HAUS6: variants seen among roughly 807,000 people sequenced by gnomAD.
The protein encoded by HAUS6 is HAUS augmin like complex subunit 6, also known as HAUS augmin-like complex subunit 6.
HAUS6 carries 80 observed loss-of-function variants against 106.8 expected under a neutral mutation model. That is an observed-to-expected ratio of 0.75 (90% CI 0.63 to 0.90). The LOEUF (loss-of-function observed/expected upper bound fraction) is 0.90. Among genes scored for constraint, HAUS6 ranks in the 40% least tolerant of loss-of-function variants. HAUS6 has a pLI of 0.00. For missense variants in HAUS6, 1,155 were observed against 1,118.1 expected (o/e 1.03, Z -0.47); for synonymous variants, 356 against 379.1 (o/e 0.94, Z 0.71).
intron 3 of HAUS6, among the ~76,000 whole-genome samples, chr9:19,093,698 G>A (rs1420590812): frequency 2.6e-5 from 4 of 152,034 alleles, no homozygotes; most frequent in African/African-American, 7.2e-5. Context: ...GTGAAACCCC[G>A]TCTCTACTGA....
intron 11 of HAUS6, 116 bp downstream of exon 11, chr9:19,076,486 C>A (rs1837006902): frequency 5.9e-6 from 4 of 676,296 alleles, no homozygotes; most frequent in Non-Finnish European, 1.1e-5. Flanking sequence ...ACATGCATTT[C>A]ACCACAATAA....
intron 1 of HAUS6, among the ~76,000 whole-genome samples, chr9:19,099,497 T>C (rs184073954): frequency 2.1e-4 from 32 of 150,848 alleles, no homozygotes; most frequent in Non-Finnish European, 1.0e-4. Context: ...AGGGTCTCAC[T>C]CTTGTTACCC....
Position 19,071,617 on chromosome 9 carries a change from C to T in HAUS6, c.1295-1317G>A, listed in dbSNP as rs189146603. On this transcript the variant is annotated intron_variant, in intron 11 of 16. Coordinates refer to ENST00000380502, the MANE Select transcript of HAUS6 (RefSeq NM_017645.5). ...TGAGACAGGGTCTTGCTTTGTCACC[C>T]AGGCTGACTGCAGTACCACAATCAT... is the stretch of plus-strand genomic sequence containing the variant. 3.0e-3 allele frequency among the ~76,000 whole-genome samples: 442 copies of T among 147,270 alleles called. 3 individuals are homozygous for T. Among genetic ancestry groups the T allele is most frequent in the African/African-American group, 0.011 (421 of 39,610 alleles).
intron 7 of HAUS6, among the ~76,000 whole-genome samples, chr9:19,086,345 G>C (rs983607706): frequency 6.6e-6 from 1 of 151,170 alleles, no homozygotes; most frequent in Admixed American, 6.6e-5. Context: ...GGGAGGCTGG[G>C]CGCGGTGGCT....
At chr9:19,089,683 C>A in intron 4 of HAUS6, 124 bp from the exon 5 acceptor site, 2 of 602,680 alleles carry the variant, frequency 3.3e-6, no homozygotes, top group South Asian at 2.9e-5. Flanking sequence ...ATCTGATTGA[C>A]TTTTAAAAAA....
chr9:19,096,321 T>C (rs1817860650), intron 2 of HAUS6, among the ~76,000 whole-genome samples: 1 of 152,114 alleles, frequency 6.6e-6, no homozygotes, highest in Non-Finnish European at 1.5e-5. Context: ...TCACAGCGCT[T>C]TGGGAGGCCG....
chr9:19,090,814 C>T (rs1210227786), intron 4 of HAUS6, among the ~76,000 whole-genome samples: 1 of 152,154 alleles, frequency 6.6e-6, no homozygotes, highest in Non-Finnish European at 1.5e-5. Flanking sequence ...TCAAACAATT[C>T]GTCACTGTGT....
chr9:19,071,184 A>G (rs1418695791), intron 11 of HAUS6, among the ~76,000 whole-genome samples: 1 of 152,258 alleles, frequency 6.6e-6, no homozygotes, highest in Non-Finnish European at 1.5e-5. Context: ...GGTAAAAAGT[A>G]TATACCTATG....
At chr9:19,089,365 T>C in intron 5 of HAUS6, 47 bp downstream of exon 5, 1 of 1,218,078 alleles carries the variant, frequency 8.2e-7, no homozygotes, top group Admixed American at 1.7e-5. Context: ...TGGTGACATC[T>C]GTTCAAAAGA....
intron 4 of HAUS6, among the ~76,000 whole-genome samples, chr9:19,090,500 G>A (rs1817721729): frequency 6.6e-6 from 1 of 152,114 alleles, no homozygotes; most frequent in Non-Finnish European, 1.5e-5. Flanking sequence ...AAGTAGCTGG[G>A]ACTACAGGTG....
At position 19,053,220 on chromosome 9, in the gene HAUS6, A is replaced by T. The variant is rs924788628; in HGVS notation, c.*3123T>A. Reference sequence around the variant, plus strand: ...CCCATAGAGGATTCTCAAATATTTTAAACTTAGGATGCAGACTGCTATTCA... The same window carrying T: ...CCCATAGAGGATTCTCAAATATTTTTAACTTAGGATGCAGACTGCTATTCA... On this transcript the variant is annotated 3_prime_UTR_variant, in exon 17 of 17. Transcript: ENST00000380502. The T allele has an allele frequency of 2.6e-5, 4 of 152,214 alleles. No individual in the cohort carries two copies. Among genetic ancestry groups the T allele is most frequent in the Non-Finnish European group, 5.9e-5 (4 of 68,008 alleles). The allele number at this position is 152,214 out of a possible 1,614,324, so 9.4% of individuals were successfully genotyped here.
At chr9:19,084,051 C>CAA (rs35034404) in intron 7 of HAUS6, among the ~76,000 whole-genome samples, 7,033 of 100,166 alleles carry the variant, frequency 0.07, 267 homozygotes, top group Non-Finnish European at 0.1. Flanking sequence ...AGGATCCTTG[C>CAA]AAAAAAAAAA....
At chr9:19,078,753 A>C (rs184437365) in intron 9 of HAUS6, among the ~76,000 whole-genome samples, 14 of 151,352 alleles carry the variant, frequency 9.2e-5, no homozygotes, top group African/African-American at 3.2e-4. Flanking sequence ...GTGCCATTGC[A>C]CTCCATGCAC....
At chr9:19,078,845 TAA>T (rs34221496) in intron 9 of HAUS6, among the ~76,000 whole-genome samples, 17,351 of 134,760 alleles carry the variant, frequency 0.13, 1,094 homozygotes, top group Admixed American at 0.15. Context: ...AAAATTAGTT[TAA>T]AAAAAAAAAA....
chr9:19,059,274 A>C (rs1460455789), intron 15 of HAUS6, among the ~76,000 whole-genome samples: 1 of 152,236 alleles, frequency 6.6e-6, no homozygotes, highest in Non-Finnish European at 1.5e-5. Flanking sequence ...ATGTATTAAA[A>C]AGACCTTTTC....
chr9:19,091,237 T>C (rs1248368634), intron 4 of HAUS6, among the ~76,000 whole-genome samples: 3 of 151,974 alleles, frequency 2.0e-5, no homozygotes. Flanking sequence ...GAAGTGGATG[T>C]TGCAGTAAGC....
intron 1 of HAUS6, among the ~76,000 whole-genome samples, chr9:19,099,236 G>T (rs1205133804): frequency 3.4e-5 from 5 of 148,176 alleles, no homozygotes; most frequent in African/African-American, 1.2e-4. Flanking sequence ...GCGCGATCTC[G>T]GCTCACTGCA....
chr9:19,070,079 T>C lies in HAUS6; in HGVS notation c.1376+140A>G, dbSNP rs142355347. ...TCCAGTGATTGGTGCGTTTTTACAA[T>C]CCTCTTGTAATACAGAAAAGTTCTC... On this transcript the variant is annotated intron_variant, in intron 12 of 16. Transcript: ENST00000380502. 632 of 608,878 alleles carry C rather than the reference T, an allele frequency of 1.0e-3. 1 individual carries two copies. The highest frequency in any genetic ancestry group is 0.01 in the African/African-American group (547 of 53,538). The allele number at this position is 608,878 out of a possible 1,614,324, so 37.7% of individuals were successfully genotyped here.
At chr9:19,074,915 G>C (rs1305965064) in intron 11 of HAUS6, among the ~76,000 whole-genome samples, 2 of 152,114 alleles carry the variant, frequency 1.3e-5, no homozygotes, top group African/African-American at 4.8e-5. Flanking sequence ...AAAATTGTGA[G>C]CTTCCACAAA....
Sources: gnomAD v4.1 joint callset for allele counts (sites outside exome capture counted in the v4.1 genomes callset) on GRCh38, gnomAD v4.1.1 for gene constraint, MANE v1.5 for transcripts, NCBI Gene and HGNC (gene_info 2026-07-23, HGNC 2026-07-21) for gene names.